GPD2: variants seen among roughly 807,000 people sequenced by gnomAD.
The protein encoded by GPD2 is glycerol-3-phosphate dehydrogenase, mitochondrial.
In GPD2, 54 loss-of-function variants were observed where a neutral mutation model predicts 82.4. That is an observed-to-expected ratio of 0.66 (90% CI 0.53 to 0.82). The LOEUF is 0.82. Ranked by LOEUF, GPD2 falls within the 40% of genes least tolerant of loss-of-function variation. The pLI is 0.00. For missense variants in GPD2, 748 were observed against 896.2 expected (o/e 0.83, Z 2.11); for synonymous variants, 288 against 306.1 (o/e 0.94, Z 0.62).
Position 156,579,103 on chromosome 2 carries a change from A to G in GPD2, c.1898A>G (p.His633Arg). The G allele has an allele frequency of 6.2e-7, 1 of 1,607,530 alleles. No individual in the cohort carries two copies. The highest frequency in any genetic ancestry group is 8.5e-7 in the Non-Finnish European group (1 of 1,174,318). The change falls in exon 15 of 17, where the codon CAT becomes CGT. Residue 633 changes from histidine to arginine, a missense_variant. By Grantham distance (29) the His-to-Arg change is conservative. Transcript: ENST00000438166. ...TGTTCCAGGTATAAGAAGAGATTTC[A>G]TAAGTTTGATGCAGACCAGAAAGGC... is the stretch of plus-strand genomic sequence containing the variant. ...SDIDRYKKRF[H>R]KFDADQKGFI...
In GPD2 at chr2:156,569,482, G is replaced by A; in HGVS notation, c.1420G>A (p.Asp474Asn). Reference protein sequence around the residue: ...TVGLFLQGGKDWSPTLYIRLV... With the variant: ...TVGLFLQGGKNWSPTLYIRLV... The stretch of plus-strand genomic sequence containing the variant: ...TGGGCTTTTCCTTCAAGGGGGTAAA[G>A]ATTGGAGCCCCACACTCTACATTAG... Residue 474 changes from aspartate to asparagine, a missense_variant, in exon 11 of 17, where the codon GAT (aspartate) becomes AAT (asparagine). Coordinates refer to ENST00000438166, the MANE Select transcript of GPD2 (RefSeq NM_000408.5). 6.2e-7 allele frequency: 1 copy of A among 1,613,288 alleles called. No individual in the cohort carries two copies. The highest frequency in any genetic ancestry group is 8.5e-7 in the Non-Finnish European group (1 of 1,179,374).
At chr2:156,536,045 C>A (rs1686065576) in intron 6 of GPD2, among the ~76,000 whole-genome samples, 2 of 152,238 alleles carry the variant, frequency 1.3e-5, no homozygotes, top group Admixed American at 1.3e-4. Context: ...AGCTCTTTGA[C>A]AAATCGCATT....
intron 1 of GPD2, among the ~76,000 whole-genome samples, chr2:156,442,405 T>C (rs1471846896): frequency 6.6e-6 from 1 of 152,174 alleles, no homozygotes; most frequent in African/African-American, 2.4e-5. Context: ...TTGGTCAAGA[T>C]TTCAAGAAAA....
Position 156,569,378 on chromosome 2 carries a change from C to A in GPD2, c.1316C>A (p.Thr439Asn). The change falls in exon 11 of 17, where the codon ACT becomes AAT. Residue 439 changes from threonine (T) to asparagine (N), a missense_variant. This residue lies in a region of GPD2 where 692 missense variants were observed against 809.7 expected (regional missense o/e 0.85). Transcript: ENST00000438166. ...TTCTTTATAGGTGGAAAGTGGACAA[C>A]TTATCGGTCTATGGCAGAAGATACC... ...LITIAGGKWTTYRSMAEDTIN... is the reference protein window; with the variant it reads ...LITIAGGKWTNYRSMAEDTIN... 1 of 1,609,628 alleles carries A rather than the reference C, an allele frequency of 6.2e-7. No individual in the cohort carries two copies. The highest frequency in any genetic ancestry group is 8.5e-7 in the Non-Finnish European group (1 of 1,176,140).
chr2:156,559,214 C>T (rs142290984), intron 9 of GPD2, among the ~76,000 whole-genome samples: 439 of 152,136 alleles, frequency 2.9e-3, no homozygotes, highest in Non-Finnish European at 4.8e-3. Context: ...AGGTAATAGT[C>T]CAAGATGTAT....
the GPD2 span, among the ~76,000 whole-genome samples, chr2:156,423,364 C>G: frequency 1.3e-5 from 2 of 151,982 alleles, no homozygotes; most frequent in African/African-American, 4.8e-5. Context: ...TTCTTTTTTC[C>G]TCTTTTGTAT....
At chr2:156,516,702 TC>T (rs1245662628) in intron 6 of GPD2, among the ~76,000 whole-genome samples, 2 of 152,244 alleles carry the variant, frequency 1.3e-5, no homozygotes, top group Non-Finnish European at 2.9e-5. Flanking sequence ...TCCCTGGACT[TC>T]CAAAGTGTTG....
intron 1 of GPD2, among the ~76,000 whole-genome samples, chr2:156,453,156 T>C (rs539642810): frequency 2.3e-4 from 35 of 152,206 alleles, no homozygotes; most frequent in Non-Finnish European, 4.0e-4. Context: ...AGGCAGTTTC[T>C]TCAGCTGTTT....
chr2:156,568,725 T>C (rs1005224694), intron 9 of GPD2, 100 bp from the exon 10 acceptor site: 11 of 983,620 alleles, frequency 1.1e-5, no homozygotes, highest in Middle Eastern at 3.1e-4. Flanking sequence ...AGTGCACACA[T>C]GTGTATTCCT....
intron 1 of GPD2, among the ~76,000 whole-genome samples, chr2:156,474,759 A>G (rs1683446240): frequency 6.6e-6 from 1 of 152,210 alleles, no homozygotes; most frequent in South Asian, 2.1e-4. Flanking sequence ...TTATCAGTCC[A>G]GTAGTGGAAA....
intron 6 of GPD2, among the ~76,000 whole-genome samples, chr2:156,530,861 T>A (rs1685828427): frequency 6.6e-6 from 1 of 152,178 alleles, no homozygotes; most frequent in African/African-American, 2.4e-5. Flanking sequence ...TGTTTGTTTA[T>A]TTTTTATGTT....
At chr2:156,472,790 T>C (rs1683378006) in intron 1 of GPD2, among the ~76,000 whole-genome samples, 1 of 152,158 alleles carries the variant, frequency 6.6e-6, no homozygotes, top group Non-Finnish European at 1.5e-5. Flanking sequence ...GTATAGCTTT[T>C]GGGGAGAAGT....
intron 9 of GPD2, among the ~76,000 whole-genome samples, chr2:156,562,566 G>A (rs1687213477): frequency 9.4e-6 from 1 of 106,658 alleles, no homozygotes; most frequent in East Asian, 3.1e-4. Flanking sequence ...TTTTGAAAGT[G>A]GCAAACATGA....
intron 1 of GPD2, among the ~76,000 whole-genome samples, chr2:156,449,862 A>AAAAAAAAAAAAAC (rs1682493046): frequency 6.8e-6 from 1 of 147,208 alleles, no homozygotes; most frequent in Non-Finnish European, 1.5e-5. Context: ...TATACAAAAA[A>AAAAAAAAAAAAAC]AAAAAAGCCG....
At chr2:156,470,762 A>G (rs1390716866) in intron 1 of GPD2, among the ~76,000 whole-genome samples, 2 of 152,164 alleles carry the variant, frequency 1.3e-5, no homozygotes, top group Admixed American at 6.5e-5. Context: ...CACTGTCTAT[A>G]ATGGGAGCCC....
intron 1 of GPD2, among the ~76,000 whole-genome samples, chr2:156,451,296 AC>A (rs536982883): frequency 7.6e-6 from 1 of 131,758 alleles, no homozygotes; most frequent in South Asian, 2.4e-4. Context: ...CGGGGGGCTG[AC>A]CCCCCCACCT....
intron 1 of GPD2, among the ~76,000 whole-genome samples, chr2:156,469,004 ACT>A (rs1242161090): frequency 1.3e-5 from 2 of 151,436 alleles, no homozygotes; most frequent in African/African-American, 4.9e-5. Context: ...GCCATCCTCT[ACT>A]CTCTGACTCT....
At chr2:156,451,450 C>T (rs1269605522) in intron 1 of GPD2, among the ~76,000 whole-genome samples, 78 of 101,884 alleles carry the variant, frequency 7.7e-4, no homozygotes, top group East Asian at 3.4e-3. Context: ...CCGGACGGGG[C>T]GGCTGGCCGG....
intron 6 of GPD2, among the ~76,000 whole-genome samples, chr2:156,541,278 T>C (rs1335146535): frequency 2.0e-5 from 3 of 152,182 alleles, no homozygotes; most frequent in African/African-American, 7.2e-5. Flanking sequence ...GAAAATAAGG[T>C]ATGTGTAGAA....
Sources: allele counts gnomAD v4.1 joint callset (sites outside exome capture counted in the v4.1 genomes callset), GRCh38; gene constraint gnomAD v4.1.1; regional missense constraint gnomAD v4.1.1; transcripts MANE v1.5; gene names NCBI Gene and HGNC (gene_info 2026-07-23, HGNC 2026-07-21).